The following APBB2 variants were observed in gnomAD, a reference collection of about 807,000 sequenced individuals.
APBB2 encodes the protein amyloid beta precursor protein binding family B member 2.
APBB2 carries 38 observed loss-of-function variants against 82.5 expected under a neutral mutation model. That is an observed-to-expected ratio of 0.46 (90% CI 0.36 to 0.60). APBB2 has a LOEUF of 0.60. APBB2 is among the 20% of genes least tolerant of loss of function. APBB2 has a pLI of 0.00. For synonymous variants in APBB2, 341 were observed against 368.2 expected (o/e 0.93, Z 0.85); for missense variants, 772 against 972.3 (o/e 0.79, Z 2.74).
In APBB2 at chr4:41,013,906, G is replaced by A; in HGVS notation, c.512C>T (p.Ser171Leu). Residue 171 changes from serine to leucine, a missense_variant, in exon 6 of 18, where the codon TCA (serine) becomes TTA (leucine). Transcript: ENST00000508593. ...TCGGTTCTGCTCTAGTTCTCTGGCT[G>A]AGGTTTCCAGATCTGCATAGTAATT... ...FLNYYADLETSARELEQNRGN... is the reference protein window; with the variant it reads ...FLNYYADLETLARELEQNRGN... 1 of 1,614,136 alleles carries A rather than the reference G, an allele frequency of 6.2e-7. No individual in the cohort carries two copies. Among genetic ancestry groups the A allele is most frequent in the Non-Finnish European group, 8.5e-7 (1 of 1,179,990 alleles).
intron 3 of APBB2, among the ~76,000 whole-genome samples, chr4:41,093,715 G>C (rs576984894): frequency 1.3e-5 from 2 of 152,156 alleles, no homozygotes; most frequent in Admixed American, 6.5e-5. Flanking sequence ...TTAGCTGGGC[G>C]TGGTGGCGCA....
At chr4:40,950,175 G>A (rs1789705456) in intron 6 of APBB2, among the ~76,000 whole-genome samples, 1 of 152,172 alleles carries the variant, frequency 6.6e-6, no homozygotes, top group Non-Finnish European at 1.5e-5. Flanking sequence ...AAATTAAAAA[G>A]TATTACAATA....
chr4:41,177,248 C>T (rs1723872654), intron 1 of APBB2, among the ~76,000 whole-genome samples: 1 of 151,904 alleles, frequency 6.6e-6, no homozygotes, highest in Admixed American at 6.6e-5. Flanking sequence ...CTTTTCTGGG[C>T]AGTGAAAGAC....
At chr4:41,187,906 A>G (rs551820770) in intron 1 of APBB2, among the ~76,000 whole-genome samples, 7 of 152,254 alleles carry the variant, frequency 4.6e-5, no homozygotes, top group Non-Finnish European at 7.3e-5. Context: ...GTATACATAC[A>G]TAAACATCTA....
In APBB2 at chr4:40,858,454, C is replaced by CAAAAAAAAA. The variant is rs34433911; in HGVS notation, c.1530-27886_1530-27878dup. ...TGAGTGACAGAGTGAGAGTCCGTCT[C>CAAAAAAAAA]AAAAAAAAAAAAAAAAAAAAAAAAG... On this transcript the variant is annotated intron_variant, in intron 12 of 17. Transcript: ENST00000508593. Among the ~76,000 whole-genome samples the CAAAAAAAAA allele has an allele frequency of 1.5e-3, 85 of 57,714 alleles. 1 individual carries two copies. Among genetic ancestry groups the CAAAAAAAAA allele is most frequent in the African/African-American group, 6.0e-3 (81 of 13,564 alleles). The allele number at this position is 57,714 out of a possible 152,430, so 37.9% of individuals were successfully genotyped here.
At chr4:40,951,705 AG>A (rs1790223840) in intron 6 of APBB2, among the ~76,000 whole-genome samples, 1 of 152,344 alleles carries the variant, frequency 6.6e-6, no homozygotes, top group Admixed American at 6.5e-5. Flanking sequence ...CTTAGAATAA[AG>A]GTTGGCATGC....
At chr4:40,843,948 G>A (rs527561965) in intron 12 of APBB2, among the ~76,000 whole-genome samples, 41 of 152,316 alleles carry the variant, frequency 2.7e-4, no homozygotes, top group African/African-American at 9.9e-4. Flanking sequence ...CTTCTACACA[G>A]TCCTGCAGAG....
intron 6 of APBB2, among the ~76,000 whole-genome samples, chr4:40,953,232 G>C (rs565339742): frequency 1.4e-5 from 2 of 146,356 alleles, no homozygotes; most frequent in East Asian, 4.0e-4. Context: ...TGGGAGGTAG[G>C]TTGCAGTCAG....
chr4:40,904,128 C>T (rs1227450114), intron 10 of APBB2, among the ~76,000 whole-genome samples: 1 of 152,096 alleles, frequency 6.6e-6, no homozygotes. Flanking sequence ...ACCCAGGTTT[C>T]ACTGAGAAAT....
chr4:41,169,162 C>T (rs146445788), intron 1 of APBB2, among the ~76,000 whole-genome samples: 5 of 121,730 alleles, frequency 4.1e-5, no homozygotes, highest in South Asian at 2.7e-4. Flanking sequence ...TCCAGCTTGG[C>T]GACAGAGCAA....
chr4:40,910,469 G>T (rs1410555371), intron 10 of APBB2, among the ~76,000 whole-genome samples: 1 of 151,988 alleles, frequency 6.6e-6, no homozygotes, highest in Non-Finnish European at 1.5e-5. Context: ...CAACTCCTGG[G>T]CTCAACAGAT....
intron 1 of APBB2, among the ~76,000 whole-genome samples, chr4:41,205,495 G>GA (rs1777708034): frequency 6.6e-6 from 1 of 151,954 alleles, no homozygotes; most frequent in Non-Finnish European, 1.5e-5. Context: ...GGGTCCCTGG[G>GA]AAAAAAGGGA....
intron 10 of APBB2, among the ~76,000 whole-genome samples, chr4:40,919,659 G>A (rs544422834): frequency 1.3e-5 from 2 of 152,252 alleles, no homozygotes; most frequent in South Asian, 2.1e-4. Context: ...CCGCCCAAAC[G>A]GCTAACTCAC....
chr4:40,877,886 G>A (rs1018499042), intron 12 of APBB2, among the ~76,000 whole-genome samples: 2 of 152,210 alleles, frequency 1.3e-5, no homozygotes, highest in Non-Finnish European at 2.9e-5. Flanking sequence ...CACACCCCGG[G>A]CAGAGCAGCT....
Position 41,194,149 on chromosome 4 carries a change from CA to C in APBB2, c.-417+20255del. The C allele has an allele frequency of 2.3e-3, 306 of 130,888 alleles. 1 individual carries two copies. Among genetic ancestry groups the C allele is most frequent in the East Asian group, 0.01 (47 of 4,630 alleles). 8.1% of individuals were successfully genotyped at this position (130,888 alleles called of 1,614,324 possible). ...GCAACACAGTGAGACTGCATCTCTACAAAAAAAAAAAAAATTGTTTTAATTA... is the reference window on the plus strand; with the variant it reads ...GCAACACAGTGAGACTGCATCTCTACAAAAAAAAAAAAATTGTTTTAATTA... On this transcript the variant is annotated intron_variant, in intron 1 of 17. Transcript: ENST00000508593.
chr4:40,987,750 A>C, intron 6 of APBB2, among the ~76,000 whole-genome samples: 1 of 152,140 alleles, frequency 6.6e-6, no homozygotes. Flanking sequence ...CTGTTTCTAG[A>C]ACTCTTTTAA....
chr4:40,853,613 C>T (rs1163101086), intron 12 of APBB2, among the ~76,000 whole-genome samples: 1 of 151,952 alleles, frequency 6.6e-6, no homozygotes, highest in Non-Finnish European at 1.5e-5. Context: ...CCATGTCTGG[C>T]TAATTTTTTT....
chr4:40,921,062 G>A (rs375621105), intron 10 of APBB2, among the ~76,000 whole-genome samples: 15 of 152,248 alleles, frequency 9.9e-5, no homozygotes, highest in African/African-American at 3.6e-4. Flanking sequence ...CTCAAAATAA[G>A]AGACCCTCAC....
rs1182158913 is a variant in APBB2 at position 40,811,236 on chromosome 4, A to ACTT, written c.*4853_*4855dup. 1.3e-5 allele frequency: 2 copies of ACTT among 152,206 alleles called. No homozygotes were observed. The highest frequency in any genetic ancestry group is 2.4e-5 in the African/African-American group (1 of 41,450). 9.4% of individuals were successfully genotyped at this position (152,206 alleles called of 1,614,324 possible). A position where few individuals can be genotyped will look rare whatever the true frequency, so the allele number is the denominator to read the frequency against. ...CTATGAAGGACAGGATTATTTAAAT[A>ACTT]CTTTGGTAGAGTGAAAAGGGAAAAG... is the stretch of plus-strand genomic sequence containing the variant. On this transcript the variant is annotated 3_prime_UTR_variant, in exon 18 of 18. Transcript: ENST00000508593.
Sources: allele counts gnomAD v4.1 joint callset (sites outside exome capture counted in the v4.1 genomes callset), GRCh38; gene constraint gnomAD v4.1.1; transcripts MANE v1.5; gene names NCBI Gene and HGNC (gene_info 2026-07-23, HGNC 2026-07-21).